SV2C: variants seen among roughly 807,000 people sequenced by gnomAD.
SV2C encodes solute carrier family 22 member B3.
A neutral mutation model predicts 79.7 loss-of-function variants in SV2C; 49 were observed. The ratio of observed to expected loss-of-function variants is 0.61; its 90% CI spans 0.49 to 0.78. SV2C has a LOEUF of 0.78. Among genes scored for constraint, SV2C ranks in the 30% least tolerant of loss-of-function variants. The pLI is 0.00. For missense variants in SV2C, 833 were observed against 912.9 expected (o/e 0.91, Z 1.13); for synonymous variants, 334 against 333.2 (o/e 1.00, Z -0.03).
chr5:76,123,573 A>G (rs1231493555), intron 1 of SV2C, among the ~76,000 whole-genome samples: 3 of 152,262 alleles, frequency 2.0e-5, no homozygotes, highest in Non-Finnish European at 4.4e-5. Flanking sequence ...CTGTTTCAAT[A>G]TATGCAAATC....
chr5:76,339,588 C>T (rs1210711876), intron 12 of SV2C, among the ~76,000 whole-genome samples: 1 of 151,932 alleles, frequency 6.6e-6, no homozygotes, highest in Non-Finnish European at 1.5e-5. Context: ...GTGGTGGGCA[C>T]CTGTAGTCCC....
chr5:75,919,829 C>T, the SV2C span, among the ~76,000 whole-genome samples: 1 of 152,194 alleles, frequency 6.6e-6, no homozygotes, highest in African/African-American at 2.4e-5. Context: ...ACAGCATTCT[C>T]ATTGTCTTTC....
the SV2C span, among the ~76,000 whole-genome samples, chr5:76,057,567 TCTTTGTTTATAAG>T: frequency 6.6e-6 from 1 of 152,134 alleles, no homozygotes; most frequent in Non-Finnish European, 1.5e-5. Context: ...AAGCTGCAGG[TCTTTGTTTATAAG>T]CTCAATATCC....
intron 4 of SV2C, among the ~76,000 whole-genome samples, chr5:76,271,827 A>T (rs115501040): frequency 6.6e-6 from 1 of 152,112 alleles, no homozygotes; most frequent in African/African-American, 2.4e-5. Context: ...ATTAGGAAAC[A>T]TAATAAATAT....
chr5:76,203,540 C>A (rs1178166100), intron 3 of SV2C, among the ~76,000 whole-genome samples: 1 of 151,978 alleles, frequency 6.6e-6, no homozygotes, highest in Non-Finnish European at 1.5e-5. Context: ...GTATTAAAGT[C>A]TTGATCCATG....
At chr5:75,876,148 A>G in the SV2C span, among the ~76,000 whole-genome samples, 2 of 151,540 alleles carry the variant, frequency 1.3e-5, no homozygotes, top group Non-Finnish European at 3.0e-5. Flanking sequence ...TACTCACAAT[A>G]GCAAAGACAT....
At chr5:75,907,297 A>G in the SV2C span, among the ~76,000 whole-genome samples, 1 of 152,312 alleles carries the variant, frequency 6.6e-6, no homozygotes, top group Admixed American at 6.5e-5. Context: ...CTTAAAGGAA[A>G]TGAGGCAATC....
chr5:76,286,128 C>G (rs528085249), intron 6 of SV2C, among the ~76,000 whole-genome samples: 1 of 152,142 alleles, frequency 6.6e-6, no homozygotes. Flanking sequence ...TTATGCCTAT[C>G]TAGGACTCGA....
intron 4 of SV2C, among the ~76,000 whole-genome samples, chr5:76,269,568 T>C (rs907869659): frequency 3.2e-4 from 49 of 152,322 alleles, no homozygotes; most frequent in African/African-American, 1.1e-3. Context: ...ACTTTACCCG[T>C]GTCCCTGCTG....
the SV2C span, among the ~76,000 whole-genome samples, chr5:75,885,767 A>G: frequency 6.6e-6 from 1 of 151,924 alleles, no homozygotes; most frequent in South Asian, 2.1e-4. Flanking sequence ...GCATCTATGA[A>G]CTTGTTAGCT....
At chr5:76,171,650 G>T (rs1327602699) in intron 2 of SV2C, among the ~76,000 whole-genome samples, 2 of 145,136 alleles carry the variant, frequency 1.4e-5, no homozygotes, top group East Asian at 2.1e-4. Flanking sequence ...CGCCCCATCC[G>T]GGAGGGAGGT....
At chr5:76,217,477 C>T (rs116403222) in intron 4 of SV2C, among the ~76,000 whole-genome samples, 1,782 of 152,308 alleles carry the variant, frequency 0.012, 24 homozygotes, top group Non-Finnish European at 0.015. Context: ...GAGTCTCAGA[C>T]CTGCTACTTC....
At chr5:76,205,967 C>A (rs576210794) in intron 3 of SV2C, among the ~76,000 whole-genome samples, 2 of 152,304 alleles carry the variant, frequency 1.3e-5, no homozygotes, top group South Asian at 4.1e-4. Context: ...GGAGCAAAAT[C>A]AGCTCTATTT....
At chr5:76,101,500 C>T (rs1267637877) in intron 1 of SV2C, among the ~76,000 whole-genome samples, 3 of 152,024 alleles carry the variant, frequency 2.0e-5, no homozygotes, top group Non-Finnish European at 1.5e-5. Context: ...GGAGGTAGAA[C>T]CTAGAAGACA....
chr5:75,884,844 A>G, the SV2C span, among the ~76,000 whole-genome samples: 5 of 152,110 alleles, frequency 3.3e-5, no homozygotes, highest in African/African-American at 9.6e-5. Flanking sequence ...AAAAAACCAT[A>G]TTGTACAGAA....
chr5:75,887,629 G>T, the SV2C span, among the ~76,000 whole-genome samples: 1 of 152,024 alleles, frequency 6.6e-6, no homozygotes. Context: ...TGCTCATTCA[G>T]TCAAATTGAT....
At chr5:75,983,598 T>TA in the SV2C span, among the ~76,000 whole-genome samples, 4,183 of 144,252 alleles carry the variant, frequency 0.029, 169 homozygotes, top group African/African-American at 0.096. Context: ...GGGCCAGCTT[T>TA]AAAAAAAAAA....
chr5:76,328,352 C>G lies in SV2C; in HGVS notation c.*2805C>G, dbSNP rs997530168. 2.6e-5 allele frequency: 4 copies of G among 152,210 alleles called. No individual in the cohort carries two copies. Among genetic ancestry groups the G allele is most frequent in the Admixed American group, 6.5e-5 (1 of 15,278 alleles). 9.4% of individuals were successfully genotyped at this position (152,210 alleles called of 1,614,324 possible). ...ACCACCTTTTCTAACTAAAATTTCC[C>G]TGTTGCTCTTTGGAATCAATCCAGA... On this transcript the variant is annotated 3_prime_UTR_variant, in exon 13 of 13. Transcript: ENST00000502798.
chr5:76,034,796 A>G, the SV2C span, among the ~76,000 whole-genome samples: 3 of 152,136 alleles, frequency 2.0e-5, no homozygotes, highest in East Asian at 1.9e-4. Context: ...CTCTTTTTCT[A>G]TTGATTGGAA....
Sources: gnomAD v4.1 joint callset for allele counts (sites outside exome capture counted in the v4.1 genomes callset) on GRCh38, gnomAD v4.1.1 for gene constraint, MANE v1.5 for transcripts, NCBI Gene and HGNC (gene_info 2026-07-23, HGNC 2026-07-21) for gene names.